TAB2: variants seen among roughly 807,000 people sequenced by gnomAD.
TAB2 encodes TGF-beta-activated kinase 1 and MAP3K7-binding protein 2.
A neutral mutation model predicts 65.0 loss-of-function variants in TAB2; 3 were observed. The observed-to-expected ratio is 0.05, with a 90% confidence interval of 0.02 to 0.12. The LOEUF is 0.12. TAB2 is among the 10% of genes least tolerant of loss of function. TAB2 has a pLI of 1.00. For synonymous variants in TAB2, 298 were observed against 285.1 expected (o/e 1.05, Z -0.46); for missense variants, 623 against 840.3 (o/e 0.74, Z 3.20).
At chr6:149,277,328 A>G (rs1423088139) in intron 1 of TAB2, among the ~76,000 whole-genome samples, 2 of 152,226 alleles carry the variant, frequency 1.3e-5, no homozygotes, top group Non-Finnish European at 2.9e-5. Flanking sequence ...CATTCCTACA[A>G]TGAAATACCA....
chr6:149,284,689 CACACAA>C (rs1778637845), intron 1 of TAB2, among the ~76,000 whole-genome samples: 1 of 133,614 alleles, frequency 7.5e-6, no homozygotes, highest in African/African-American at 3.1e-5. Flanking sequence ...CACACACACA[CACACAA>C]GAATATAAAC....
At chr6:149,323,456 A>C (rs1188915824) in intron 1 of TAB2, among the ~76,000 whole-genome samples, 1 of 152,134 alleles carries the variant, frequency 6.6e-6, no homozygotes, top group African/African-American at 2.4e-5. Context: ...AGATAATTTC[A>C]ATGAAAGTGT....
chr6:149,262,397 G>A (rs553342575), intron 1 of TAB2, among the ~76,000 whole-genome samples: 8 of 152,290 alleles, frequency 5.3e-5, no homozygotes, highest in Admixed American at 3.3e-4. Context: ...GCTGGGCGTG[G>A]TGGTGGGTGC....
chr6:149,339,605 A>ATTTTTTTTTTTT (rs1169597449), intron 1 of TAB2, among the ~76,000 whole-genome samples: 9 of 51,156 alleles, frequency 1.8e-4, no homozygotes, highest in African/African-American at 5.7e-4. Context: ...TTATTTATTT[A>ATTTTTTTTTTTT]TTTTTTTTTT....
chr6:149,346,136 GTGGATGGATAGA>G (rs1336484608), intron 1 of TAB2, among the ~76,000 whole-genome samples: 1 of 152,174 alleles, frequency 6.6e-6, no homozygotes. Context: ...GGGTGGATGG[GTGGATGGATAGA>G]TGGATAGAAA....
intron 5 of TAB2, among the ~76,000 whole-genome samples, chr6:149,398,669 C>T (rs933370370): frequency 6.6e-6 from 1 of 152,078 alleles, no homozygotes; most frequent in African/African-American, 2.4e-5. Flanking sequence ...CTTGAACTTA[C>T]TCTTTTTGTG....
intron 1 of TAB2, among the ~76,000 whole-genome samples, chr6:149,355,049 C>G (rs1162771623): frequency 6.6e-6 from 1 of 152,086 alleles, no homozygotes; most frequent in Non-Finnish European, 1.5e-5. Context: ...TGAGGATTCC[C>G]CTCACCAAGT....
intron 1 of TAB2, among the ~76,000 whole-genome samples, chr6:149,328,716 G>C (rs892192960): frequency 6.6e-6 from 1 of 152,182 alleles, no homozygotes; most frequent in African/African-American, 2.4e-5. Flanking sequence ...GTCCTTAAGA[G>C]ACATATATAC....
intron 1 of TAB2, among the ~76,000 whole-genome samples, chr6:149,274,280 T>C (rs937405625): frequency 6.6e-5 from 10 of 152,370 alleles, no homozygotes; most frequent in South Asian, 4.1e-4. Context: ...TGCTAAAGTA[T>C]GTCATGTGAC....
chr6:149,312,844 C>T (rs571454), upstream of TAB2, among the ~76,000 whole-genome samples: 133,418 of 152,198 alleles, frequency 0.88, 58,508 homozygotes, highest in Middle Eastern at 0.93. Context: ...TCATCTTACA[C>T]AGTTATTTTT....
chr6:149,269,751 C>T (rs1291681424), intron 1 of TAB2, among the ~76,000 whole-genome samples: 1 of 152,148 alleles, frequency 6.6e-6, no homozygotes, highest in African/African-American at 2.4e-5. Flanking sequence ...GAGATATAGC[C>T]ATGTTGTTGC....
chr6:149,302,707 A>G (rs1174225339), intron 1 of TAB2, among the ~76,000 whole-genome samples: 1 of 152,086 alleles, frequency 6.6e-6, no homozygotes, highest in Non-Finnish European at 1.5e-5. Context: ...ATTACCACTC[A>G]CCTTCCCATC....
chr6:149,226,442 C>T (rs1482642042), intron 1 of TAB2, among the ~76,000 whole-genome samples: 1 of 152,222 alleles, frequency 6.6e-6, no homozygotes, highest in Non-Finnish European at 1.5e-5. Flanking sequence ...ATCCCTATTC[C>T]GTGGTCAGTC....
chr6:149,292,615 T>C lies in TAB2; in HGVS notation c.-121+73839T>C, dbSNP rs553269913. Among the ~76,000 whole-genome samples, 354 of 152,316 alleles carry C rather than the reference T, an allele frequency of 2.3e-3. 1 individual carries two copies. Among genetic ancestry groups the C allele is most frequent in the African/African-American group, 8.1e-3 (338 of 41,574 alleles). On this transcript the variant is annotated intron_variant, in intron 1 of 1. Transcript: ENST00000606202. ...ACACTGAACTATGCTGTTGACAGGATTCAAATAGGTAAATTAAGGAGCATA... is the reference window on the plus strand; with the variant it reads ...ACACTGAACTATGCTGTTGACAGGACTCAAATAGGTAAATTAAGGAGCATA...
chr6:149,254,456 T>C (rs1777963399), intron 1 of TAB2, among the ~76,000 whole-genome samples: 1 of 152,246 alleles, frequency 6.6e-6, no homozygotes, highest in Non-Finnish European at 1.5e-5. Context: ...CGACTGTTTC[T>C]GAACTCACTT....
chr6:149,379,600 T>C, intron 3 of TAB2, 82 bp downstream of exon 3: 1 of 1,325,626 alleles, frequency 7.5e-7, no homozygotes, highest in Non-Finnish European at 1.1e-6. Flanking sequence ...AAATGGATGT[T>C]AGCATTGTTA....
At chr6:149,249,529 C>T (rs1777815555) in intron 1 of TAB2, among the ~76,000 whole-genome samples, 1 of 149,814 alleles carries the variant, frequency 6.7e-6, no homozygotes, top group Admixed American at 6.7e-5. Context: ...TCTCTGTCTC[C>T]CTCTCTCTTT....
At chr6:149,355,420 C>T (rs192664836) in intron 1 of TAB2, among the ~76,000 whole-genome samples, 2 of 152,052 alleles carry the variant, frequency 1.3e-5, no homozygotes, top group Non-Finnish European at 2.9e-5. Context: ...AATCCCAGCA[C>T]TTTGGGAGGC....
chr6:149,253,231 T>A (rs1237174960), intron 1 of TAB2: 1 of 152,240 alleles, frequency 6.6e-6, no homozygotes, highest in Admixed American at 6.5e-5. Context: ...TAAAAGAGAT[T>A]TGCTGGAGTC....
Sources: gnomAD v4.1 joint callset for allele counts (sites outside exome capture counted in the v4.1 genomes callset) on GRCh38, gnomAD v4.1.1 for gene constraint, MANE v1.5 for transcripts, NCBI Gene and HGNC (gene_info 2026-07-23, HGNC 2026-07-21) for gene names.